RAB6A: variants seen among roughly 807,000 people sequenced by gnomAD.
RAB6A encodes ras-related protein Rab-6A.
RAB6A carries 8 observed loss-of-function variants against 32.3 expected under a neutral mutation model. The observed-to-expected ratio is 0.25, with a 90% CI of 0.15 to 0.45. The LOEUF is 0.45. RAB6A is among the 20% of genes least tolerant of loss of function. The pLI, the probability that RAB6A is intolerant of heterozygous loss-of-function variation, is 1.00. For missense variants in RAB6A, 104 were observed against 249.4 expected, an observed-to-expected ratio of 0.42 and a Z score of 3.93; for synonymous variants, 73 against 82.1, an observed-to-expected ratio of 0.89 and a Z score of 0.60.
In RAB6A at chr11:73,747,174, C is replaced by T. The variant is rs958265011; in HGVS notation, c.70+13392G>A. Among the ~76,000 whole-genome samples the T allele has an allele frequency of 6.6e-5, 10 of 151,180 alleles. No individual in the cohort carries two copies. In the East Asian group the frequency reaches 7.8e-4, roughly 12 times the overall value. On this transcript the variant is annotated intron_variant, in intron 1 of 7. Coordinates refer to ENST00000336083, the MANE Select transcript of RAB6A (RefSeq NM_198896.2). ...AAATAGTACAGAGAATTTCAGTACA[C>T]CTTTTACCTGGCTTCCTCTAAGACA...
intron 6 of RAB6A, among the ~76,000 whole-genome samples, chr11:73,706,164 C>T (rs1945838755): frequency 6.6e-6 from 1 of 152,010 alleles, no homozygotes; most frequent in Non-Finnish European, 1.5e-5. Flanking sequence ...CTTCCTAAAG[C>T]TTTAACTATT....
At chr11:73,692,395 AGGGAGGCTGAGGCAG>A (rs1945581801) in intron 6 of RAB6A, among the ~76,000 whole-genome samples, 1 of 144,324 alleles carries the variant, frequency 6.9e-6, no homozygotes, top group South Asian at 2.4e-4. Flanking sequence ...CCCAGCTACT[AGGGAGGCTGAGGCAG>A]GAGAATGGCG....
intron 1 of RAB6A, 110 bp downstream of exon 1, chr11:73,760,456 G>A (rs552725137): frequency 7.2e-7 from 1 of 1,396,292 alleles, no homozygotes; most frequent in South Asian, 1.4e-5. Context: ...CGGTGGCAAC[G>A]AGCGCGGACG....
intron 6 of RAB6A, among the ~76,000 whole-genome samples, chr11:73,699,067 G>A (rs1244876600): frequency 1.3e-5 from 2 of 152,110 alleles, no homozygotes; most frequent in East Asian, 3.9e-4. Flanking sequence ...TGGTCAGGCT[G>A]GTCTCGAACT....
intron 6 of RAB6A, among the ~76,000 whole-genome samples, chr11:73,703,798 C>T (rs563354475): frequency 1.6e-3 from 233 of 146,866 alleles, no homozygotes; most frequent in Non-Finnish European, 2.8e-3. Context: ...GGCTGGGCGC[C>T]GTGGCTCACG....
chr11:73,703,479 C>T (rs1460554888), intron 6 of RAB6A, among the ~76,000 whole-genome samples: 1 of 152,184 alleles, frequency 6.6e-6, no homozygotes, highest in Non-Finnish European at 1.5e-5. Flanking sequence ...CAGTGGCTCA[C>T]GCCTGTAATC....
intron 1 of RAB6A, among the ~76,000 whole-genome samples, chr11:73,755,221 A>G (rs968311029): frequency 1.3e-5 from 2 of 151,966 alleles, no homozygotes; most frequent in Non-Finnish European, 2.9e-5. Flanking sequence ...ATGAGCCACC[A>G]CGCTCGGCCC....
intron 6 of RAB6A, among the ~76,000 whole-genome samples, chr11:73,689,849 T>C (rs375057270): frequency 2.0e-5 from 3 of 147,298 alleles, no homozygotes; most frequent in South Asian, 4.2e-4. Flanking sequence ...TGAGTGGACA[T>C]TGCAACACTG....
intron 6 of RAB6A, among the ~76,000 whole-genome samples, chr11:73,703,139 A>G (rs1434758176): frequency 1.3e-5 from 2 of 150,766 alleles, no homozygotes; most frequent in Non-Finnish European, 3.0e-5. Flanking sequence ...AAAAAATTGG[A>G]AAAAAAAAAT....
At chr11:73,757,115 ATATATATATATATATTTTTTTTTTTTT>A (rs1946765410) in intron 1 of RAB6A, among the ~76,000 whole-genome samples, 1 of 39,854 alleles carries the variant, frequency 2.5e-5, no homozygotes, top group African/African-American at 1.2e-4. Context: ...ATATATATAT[ATATATATATATATATTTTTTTTTTTTT>A]TTTTTTTTTT....
chr11:73,715,298 G>A (rs981447883), intron 5 of RAB6A, among the ~76,000 whole-genome samples: 2 of 152,058 alleles, frequency 1.3e-5, no homozygotes, highest in Non-Finnish European at 2.9e-5. Context: ...AGCTAATTTT[G>A]TATTTTTAGT....
rs1243227934 is a variant in RAB6A at position 73,678,101 on chromosome 11, C to T, written c.563-139G>A. 12 of 839,714 alleles carry T rather than the reference C, an allele frequency of 1.4e-5. No individual in the cohort carries two copies. In the Admixed American group the frequency reaches 2.2e-4, roughly 16 times the overall value. The allele number at this position is 839,714 out of a possible 1,614,324, so 52.0% of individuals were successfully genotyped here. A position where few individuals can be genotyped will look rare whatever the true frequency, so the allele number is the denominator to read the frequency against. ...CACTATTTTCTACATAGCCGCCTCA[C>T]CATATAAGGTGCTCAAATGGAATAA... is the stretch of plus-strand genomic sequence containing the variant. On this transcript the variant is annotated intron_variant, in intron 7 of 7. Transcript: ENST00000336083.
intron 2 of RAB6A, among the ~76,000 whole-genome samples, chr11:73,727,267 T>A (rs949908437): frequency 1.9e-4 from 29 of 151,274 alleles, no homozygotes; most frequent in African/African-American, 4.1e-4. Context: ...ACAAAAAAAA[T>A]TTTTTTTAAT....
intron 6 of RAB6A, among the ~76,000 whole-genome samples, chr11:73,699,276 G>A (rs1046884057): frequency 6.6e-6 from 1 of 150,968 alleles, no homozygotes; most frequent in Non-Finnish European, 1.5e-5. Context: ...TAATTTTTTT[G>A]AATCAAGGGT....
intron 6 of RAB6A, among the ~76,000 whole-genome samples, chr11:73,687,082 G>A (rs1057103366): frequency 1.3e-5 from 2 of 151,924 alleles, no homozygotes; most frequent in Non-Finnish European, 2.9e-5. Context: ...ACTACAATAT[G>A]GATGCATCTT....
At chr11:73,751,585 C>T (rs905641232) in intron 1 of RAB6A, among the ~76,000 whole-genome samples, 1 of 152,176 alleles carries the variant, frequency 6.6e-6, no homozygotes, top group Non-Finnish European at 1.5e-5. Flanking sequence ...TTAACACTCT[C>T]TTCTATTCCC....
intron 3 of RAB6A, 50 bp from the exon 4 acceptor site, chr11:73,718,768 C>T (rs1343551299): frequency 5.0e-6 from 8 of 1,613,750 alleles, no homozygotes; most frequent in African/African-American, 1.3e-5. Flanking sequence ...AAGGTCAACC[C>T]GTTGCAATAT....
intron 2 of RAB6A, among the ~76,000 whole-genome samples, chr11:73,728,757 T>C (rs1045760324): frequency 6.6e-5 from 10 of 151,924 alleles, no homozygotes; most frequent in African/African-American, 2.2e-4. Flanking sequence ...TATTGGTCTG[T>C]AGTTTAATTT....
At chr11:73,750,977 T>A (rs983156713) in intron 1 of RAB6A, among the ~76,000 whole-genome samples, 11 of 152,000 alleles carry the variant, frequency 7.2e-5, no homozygotes, top group East Asian at 1.9e-4. Context: ...TTAATTTTTT[T>A]AATTTTTTGT....
Sources: allele counts gnomAD v4.1 joint callset (sites outside exome capture counted in the v4.1 genomes callset), GRCh38; gene constraint gnomAD v4.1.1; transcripts MANE v1.5; gene names NCBI Gene and HGNC (gene_info 2026-07-23, HGNC 2026-07-21).